The following TNIK variants were observed in gnomAD, a reference collection of about 807,000 sequenced individuals.
TNIK encodes the protein TRAF2 and NCK-interacting protein kinase.
TNIK carries 49 observed loss-of-function variants against 191.3 expected under a neutral mutation model. The ratio of observed to expected loss-of-function variants is 0.26; its 90% CI spans 0.20 to 0.32. TNIK has a LOEUF of 0.32. Ranked by LOEUF, TNIK falls within the 10% of genes least tolerant of loss-of-function variation. TNIK has a pLI of 1.00. For missense variants in TNIK, 1,155 were observed against 1,702.3 expected, an observed-to-expected ratio of 0.68 and a Z score of 5.66; for synonymous variants, 594 against 600.9, an observed-to-expected ratio of 0.99 and a Z score of 0.17.
intron 7 of TNIK, among the ~76,000 whole-genome samples, chr3:171,179,335 C>T (rs562806053): frequency 4.6e-5 from 7 of 152,334 alleles, no homozygotes; most frequent in Admixed American, 1.3e-4. Flanking sequence ...CTCTTGGCCT[C>T]GCTTAGTGAG....
chr3:171,280,520 C>T (rs1437349028), intron 2 of TNIK, among the ~76,000 whole-genome samples: 3 of 152,150 alleles, frequency 2.0e-5, no homozygotes, highest in Non-Finnish European at 4.4e-5. Flanking sequence ...GTGCCTGGCA[C>T]ATACTATATT....
intron 7 of TNIK, among the ~76,000 whole-genome samples, chr3:171,184,611 TCA>T (rs776656876): frequency 3.3e-5 from 5 of 152,182 alleles, no homozygotes; most frequent in Non-Finnish European, 5.9e-5. Context: ...TGTTTGAATC[TCA>T]GTAGACAGAG....
At chr3:171,199,598 C>T (rs571333198) in intron 4 of TNIK, among the ~76,000 whole-genome samples, 7 of 152,234 alleles carry the variant, frequency 4.6e-5, no homozygotes, top group Non-Finnish European at 1.0e-4. Flanking sequence ...ACAGTCTGCA[C>T]TTTATCCATA....
At chr3:171,162,665 C>G (rs543220553) in intron 10 of TNIK, among the ~76,000 whole-genome samples, 2 of 152,188 alleles carry the variant, frequency 1.3e-5, no homozygotes, top group Admixed American at 6.5e-5. Flanking sequence ...CCAGTCACTA[C>G]TGCTAGATAT....
At chr3:171,264,067 TACACACACACACACACACAC>T (rs760319253) in intron 2 of TNIK, among the ~76,000 whole-genome samples, 289 of 110,796 alleles carry the variant, frequency 2.6e-3, no homozygotes, top group Non-Finnish European at 4.0e-3. Context: ...TATATATACA[TACACACACACACACACACAC>T]ACACACACAC....
At chr3:171,458,961 T>C (rs1308044839) in intron 1 of TNIK, among the ~76,000 whole-genome samples, 2 of 152,156 alleles carry the variant, frequency 1.3e-5, no homozygotes, top group African/African-American at 4.8e-5. Context: ...CTAATTAAAA[T>C]GGCAAGAAAG....
intron 1 of TNIK, among the ~76,000 whole-genome samples, chr3:171,373,158 G>C (rs1716753454): frequency 6.6e-6 from 1 of 152,102 alleles, no homozygotes; most frequent in Non-Finnish European, 1.5e-5. Context: ...CTCCATTCTA[G>C]AGTACCTCTA....
chr3:171,301,388 C>T (rs999896923), intron 2 of TNIK, among the ~76,000 whole-genome samples: 5 of 149,936 alleles, frequency 3.3e-5, no homozygotes, highest in African/African-American at 7.4e-5. Context: ...AATCTCTGCT[C>T]ACTGCAACCT....
intron 23 of TNIK, among the ~76,000 whole-genome samples, chr3:171,088,645 G>A (rs61791159): frequency 0.1 from 15,855 of 152,234 alleles, 955 homozygotes; most frequent in Middle Eastern, 0.16. Flanking sequence ...ATAGGATTAC[G>A]TGATGTAACA....
At chr3:171,404,628 A>G (rs1560029623) in intron 1 of TNIK, among the ~76,000 whole-genome samples, 1 of 151,952 alleles carries the variant, frequency 6.6e-6, no homozygotes, top group African/African-American at 2.4e-5. Context: ...ATGCAGTTTA[A>G]TTTTTTTTAA....
chr3:171,101,787 A>ATGTT (rs770121135), intron 21 of TNIK, 154 bp from the exon 22 acceptor site: 3 of 706,426 alleles, frequency 4.2e-6, no homozygotes, highest in Admixed American at 3.2e-5. Context: ...TAAGAAAATG[A>ATGTT]TGTTTGTAGC....
rs962867681 is a variant in TNIK at position 171,059,684 on chromosome 3, G to A, written c.*4197C>T. ...GTTCCTGATATATAGTGACCAAGGA[G>A]ATATAGTGGCATTTATGAGAAATAT... On this transcript the variant is annotated 3_prime_UTR_variant, in exon 33 of 33. Transcript: ENST00000436636. 1.3e-5 allele frequency among the ~76,000 whole-genome samples: 2 copies of A among 152,170 alleles called. No homozygotes were observed. The highest frequency in any genetic ancestry group is 4.8e-5 in the African/African-American group (2 of 41,448).
In TNIK at chr3:171,327,900, T is replaced by TAAAAAAAAAAAAAAA. The variant is rs71634497; in HGVS notation, c.123+41705_123+41719dup. Among the ~76,000 whole-genome samples, 212 of 79,598 alleles carry TAAAAAAAAAAAAAAA rather than the reference T, an allele frequency of 2.7e-3. 8 individuals are homozygous for TAAAAAAAAAAAAAAA. Among genetic ancestry groups the TAAAAAAAAAAAAAAA allele is most frequent in the East Asian group, 5.6e-3 (10 of 1,782 alleles). 52.2% of individuals were successfully genotyped at this position (79,598 alleles called of 152,430 possible). A position where few individuals can be genotyped will look rare whatever the true frequency, so the allele number is the denominator to read the frequency against. On this transcript the variant is annotated intron_variant, in intron 2 of 32. Transcript: ENST00000436636. ...ATCTGTGGCTCCCAAACCTGGCTCA[T>TAAAAAAAAAAAAAAA]AAAAAAAAAAAAAAAAAAAAAAAAA... is the stretch of plus-strand genomic sequence containing the variant.
Position 171,401,872 on chromosome 3 carries a change from A to G in TNIK, c.58-32187T>C, listed in dbSNP as rs143399644. The stretch of plus-strand genomic sequence containing the variant: ...GTGCCTGACACAAAATGAGAGCTCA[A>G]TAAATGTTAGCTGTTATTGTCATTG... On this transcript the variant is annotated intron_variant, in intron 1 of 32. Coordinates refer to ENST00000436636, the MANE Select transcript of TNIK (RefSeq NM_015028.4). Among the ~76,000 whole-genome samples the G allele has an allele frequency of 5.9e-5, 9 of 152,374 alleles. No homozygotes were observed. The East Asian group carries it at 1.5e-3, about 26-fold the overall frequency.
intron 1 of TNIK, among the ~76,000 whole-genome samples, chr3:171,372,192 T>G (rs116237290): frequency 0.024 from 3,625 of 152,288 alleles, 152 homozygotes; most frequent in African/African-American, 0.082. Context: ...TTCTTGGGTA[T>G]ATGTCCCAAC....
chr3:171,183,948 C>T (rs1248039641), intron 7 of TNIK, among the ~76,000 whole-genome samples: 1 of 145,838 alleles, frequency 6.9e-6, no homozygotes, highest in East Asian at 2.0e-4. Flanking sequence ...AAAAAAGGCC[C>T]CAAATAGCAA....
chr3:171,082,354 A>C lies in TNIK; in HGVS notation c.3210T>G (p.Leu1070=). 1 of 1,613,876 alleles carries C rather than the reference A, an allele frequency of 6.2e-7. No individual in the cohort carries two copies. Among genetic ancestry groups the C allele is most frequent in the Non-Finnish European group, 8.5e-7 (1 of 1,179,814 alleles). The change falls in exon 27 of 33, where the codon CTT becomes CTG. Residue 1070 remains leucine, a synonymous_variant. Transcript: ENST00000436636. ...LLVGTENGLM[L]LDRSGQGKVY... is the part of the protein sequence containing the mutation. ...CTTTGCCTTGCCCACTTCGGTCCAA[A>C]AGCATCAGGCCATTTTCAGTCCCCA...
chr3:171,108,816 T>C (rs1004565339), intron 19 of TNIK, among the ~76,000 whole-genome samples: 5 of 152,146 alleles, frequency 3.3e-5, no homozygotes, highest in African/African-American at 4.8e-5. Flanking sequence ...GGGGTTGTTA[T>C]AGGAGAAGGG....
chr3:171,459,305 CCTG>C (rs1332211058), intron 1 of TNIK, among the ~76,000 whole-genome samples: 1 of 151,926 alleles, frequency 6.6e-6, no homozygotes, highest in Non-Finnish European at 1.5e-5. Flanking sequence ...ATCCCTTTCA[CCTG>C]CTTAAGTTCA....
Sources: gnomAD v4.1 joint callset for allele counts (sites outside exome capture counted in the v4.1 genomes callset) on GRCh38, gnomAD v4.1.1 for gene constraint, MANE v1.5 for transcripts, NCBI Gene and HGNC (gene_info 2026-07-23, HGNC 2026-07-21) for gene names.